Variants in SPAG6 observed in about 807,000 individuals in gnomAD.
SPAG6 encodes sperm associated antigen 6.
In SPAG6, 49 loss-of-function variants were observed where a neutral mutation model predicts 58.5. The observed-to-expected ratio is 0.84, with a 90% CI of 0.67 to 1.06. The LOEUF (loss-of-function observed/expected upper bound fraction) is 1.06. SPAG6 is among the 50% of genes least tolerant of loss of function. The pLI, the probability that SPAG6 is intolerant of heterozygous loss-of-function variation, is 0.00. For missense variants in SPAG6, 560 were observed against 611.3 expected, an observed-to-expected ratio of 0.92 and a Z score of 0.89; for synonymous variants, 233 against 225.6, an observed-to-expected ratio of 1.03 and a Z score of -0.29.
intron 2 of SPAG6, among the ~76,000 whole-genome samples, chr10:22,347,881 T>A (rs1473040248): frequency 6.6e-6 from 1 of 152,250 alleles, no homozygotes; most frequent in Non-Finnish European, 1.5e-5. Flanking sequence ...AATTTCATGT[T>A]ATCGAGATTC....
chr10:22,379,009 C>A (rs1238672822), intron 4 of SPAG6, among the ~76,000 whole-genome samples: 3 of 152,238 alleles, frequency 2.0e-5, no homozygotes, highest in African/African-American at 7.2e-5. Flanking sequence ...AACACTCAAC[C>A]CATGTGTTAG....
intron 2 of SPAG6, among the ~76,000 whole-genome samples, chr10:22,356,699 G>A (rs1387043070): frequency 6.6e-6 from 1 of 152,218 alleles, no homozygotes; most frequent in African/African-American, 2.4e-5. Context: ...TAATCAGTTT[G>A]TCTTCTGAAT....
intron 2 of SPAG6, among the ~76,000 whole-genome samples, chr10:22,353,773 G>A (rs997660506): frequency 1.3e-5 from 2 of 152,300 alleles, no homozygotes; most frequent in South Asian, 4.1e-4. Context: ...TATTCGAAGG[G>A]CACCTTACTC....
chr10:22,377,672 G>C (rs1833849471), intron 4 of SPAG6, among the ~76,000 whole-genome samples: 1 of 152,248 alleles, frequency 6.6e-6, no homozygotes, highest in Non-Finnish European at 1.5e-5. Flanking sequence ...GAACCACTCA[G>C]GGGAGTCACA....
chr10:22,413,352 T>G (rs959634012), intron 10 of SPAG6, among the ~76,000 whole-genome samples: 2 of 151,838 alleles, frequency 1.3e-5, no homozygotes, highest in African/African-American at 2.4e-5. Context: ...GCTAACACGG[T>G]GAAACCCCGT....
intron 8 of SPAG6, 128 bp downstream of exon 8, chr10:22,392,048 C>G: frequency 3.1e-6 from 2 of 644,574 alleles, no homozygotes; most frequent in Non-Finnish European, 5.3e-6. Flanking sequence ...TCAGAACTGA[C>G]TTCACTCTTC....
In SPAG6 at chr10:22,345,955, G is replaced by T. The variant is rs772814900; in HGVS notation, c.121+137G>T. The T allele has an allele frequency of 1.2e-5, 19 of 1,553,874 alleles. No homozygotes were observed. In the East Asian group the frequency reaches 4.1e-4, roughly 34 times the overall value. ...TTCGCAAAAGCATCCATTCTTTTCA[G>T]CGGGTCTTTGGGGGTCAGGCCGAGA... is the stretch of plus-strand genomic sequence containing the variant. On this transcript the variant is annotated intron_variant, in intron 2 of 10. Coordinates refer to ENST00000376624, the MANE Select transcript of SPAG6 (RefSeq NM_012443.4). This position sits in a 1 kb window ranked among gnomAD's most constrained non-coding sequence, Gnocchi z 6.3.
intron 2 of SPAG6, among the ~76,000 whole-genome samples, chr10:22,350,091 G>A (rs1836675453): frequency 6.6e-6 from 1 of 151,422 alleles, no homozygotes. Flanking sequence ...AACCAATCAT[G>A]CTATTTAAAT....
At chr10:22,364,584 T>C (rs541793468) in intron 2 of SPAG6, among the ~76,000 whole-genome samples, 2 of 152,312 alleles carry the variant, frequency 1.3e-5, no homozygotes, top group South Asian at 4.1e-4. Flanking sequence ...TATCAGGTAA[T>C]ATAGACAGGA....
chr10:22,388,748 G>A (rs1376914443), intron 6 of SPAG6, among the ~76,000 whole-genome samples: 1 of 152,058 alleles, frequency 6.6e-6, no homozygotes, highest in Admixed American at 6.6e-5. Flanking sequence ...ACTAGCAAAG[G>A]GGGAATAATT....
chr10:22,382,338 C>T (rs1833975378), intron 4 of SPAG6, among the ~76,000 whole-genome samples: 1 of 152,080 alleles, frequency 6.6e-6, no homozygotes, highest in South Asian at 2.1e-4. Context: ...TTTTTATCTA[C>T]ATATATGCAA....
intron 4 of SPAG6, among the ~76,000 whole-genome samples, chr10:22,372,227 C>T (rs977603797): frequency 7.2e-5 from 11 of 152,114 alleles, no homozygotes; most frequent in Admixed American, 2.6e-4. Flanking sequence ...TTACCATGCC[C>T]GCTTTATAAA....
chr10:22,413,066 C>CAAAAAAAAAAA (rs775680159), intron 10 of SPAG6: 64 of 43,226 alleles, frequency 1.5e-3, no homozygotes, highest in East Asian at 4.2e-3. Flanking sequence ...CAGAAAGATG[C>CAAAAAAAAAAA]AAAAAAAAAA....
chr10:22,350,476 A>G (rs1447984169), intron 2 of SPAG6, among the ~76,000 whole-genome samples: 1 of 149,016 alleles, frequency 6.7e-6, no homozygotes, highest in African/African-American at 2.5e-5. Context: ...TGAGCCTATA[A>G]GAAGGCTTAC....
intron 2 of SPAG6, chr10:22,360,951 C>G: frequency 1.3e-6 from 1 of 757,174 alleles, no homozygotes; most frequent in Middle Eastern, 2.3e-4. Flanking sequence ...GCATATTTAT[C>G]TGTAGTTTTA....
chr10:22,352,408 A>T (rs11012960), intron 2 of SPAG6, among the ~76,000 whole-genome samples: 8,063 of 151,946 alleles, frequency 0.053, 713 homozygotes, highest in African/African-American at 0.18. Context: ...GGGATTACTT[A>T]AAAAAAATAG....
At chr10:22,388,720 A>T (rs1564373405) in intron 6 of SPAG6, among the ~76,000 whole-genome samples, 1 of 152,250 alleles carries the variant, frequency 6.6e-6, no homozygotes. Flanking sequence ...ATTAAAGTGC[A>T]CTCAGCTAGT....
At chr10:22,397,396 T>G (rs1377975366) in intron 8 of SPAG6, among the ~76,000 whole-genome samples, 1 of 152,208 alleles carries the variant, frequency 6.6e-6, no homozygotes, top group Non-Finnish European at 1.5e-5. Context: ...TACTGCAACC[T>G]CCACCTCCCA....
intron 8 of SPAG6, among the ~76,000 whole-genome samples, chr10:22,397,379 C>T (rs899188479): frequency 6.6e-6 from 1 of 152,202 alleles, no homozygotes; most frequent in Non-Finnish European, 1.5e-5. Context: ...GTGGTGCAAT[C>T]TCAGCTTACT....
Sources: allele counts gnomAD v4.1 joint callset (sites outside exome capture counted in the v4.1 genomes callset), GRCh38; gene constraint gnomAD v4.1.1; non-coding constraint Gnocchi (gnomAD v3.1); transcripts MANE v1.5; gene names NCBI Gene and HGNC (gene_info 2026-07-23, HGNC 2026-07-21).